ZNF215: variants seen among roughly 807,000 people sequenced by gnomAD.
ZNF215 encodes the protein zinc finger protein 215.
In ZNF215, 24 loss-of-function variants were observed where a neutral mutation model predicts 27.2. The ratio of observed to expected loss-of-function variants is 0.88; its 90% CI spans 0.64 to 1.24. The LOEUF is 1.24. Among genes scored for constraint, ZNF215 ranks in the 50% most tolerant of loss-of-function variants. The pLI is 0.00. For missense variants in ZNF215, 675 were observed against 605.7 expected, an observed-to-expected ratio of 1.11 and a Z score of -1.20; for synonymous variants, 210 against 204.0, an observed-to-expected ratio of 1.03 and a Z score of -0.25.
rs557047162 is a variant in ZNF215 at position 6,940,282 on chromosome 11, G to A, written c.401-1289G>A. Among the ~76,000 whole-genome samples the A allele has an allele frequency of 2.2e-4, 33 of 151,536 alleles. No homozygotes were observed. In the South Asian group the frequency reaches 6.7e-3, roughly 31 times the overall value. ...ACCATAATATTTGCAGCATTCACAC[G>A]GTATGTTGCTGAGAAATTTGGATTT... On this transcript the variant is annotated intron_variant, in intron 3 of 6. Coordinates refer to ENST00000278319, the MANE Select transcript of ZNF215 (RefSeq NM_013250.4).
intron 5 of ZNF215, among the ~76,000 whole-genome samples, chr11:6,973,346 A>G (rs1242195653): frequency 2.0e-5 from 3 of 152,062 alleles, no homozygotes; most frequent in African/African-American, 4.8e-5. Context: ...GAATAGTGCC[A>G]CAATAAACAT....
Position 6,932,348 on chromosome 11 carries a change from A to G in ZNF215, c.76A>G (p.Arg26Gly). 2 of 1,614,202 alleles carry G rather than the reference A, an allele frequency of 1.2e-6. No homozygotes were observed. Among genetic ancestry groups the G allele is most frequent in the Non-Finnish European group, 1.7e-6 (2 of 1,180,034 alleles). Residue 26 changes from arginine (R) to glycine (G), a missense_variant, in exon 3 of 7, where the codon AGA becomes GGA. Coordinates refer to ENST00000278319, the MANE Select transcript of ZNF215 (RefSeq NM_013250.4). ...LSLREQREVL[R>G]ADMSWQQETN... is the part of the protein sequence containing the mutation. Reference sequence around the variant, plus strand: ...TCTACGTGAACAAAGAGAGGTTCTGAGAGCAGATATGTCTTGGCAGCAGGA... The same window carrying G: ...TCTACGTGAACAAAGAGAGGTTCTGGGAGCAGATATGTCTTGGCAGCAGGA...
In ZNF215 at chr11:6,956,476, A is replaced by G. The variant is rs1425186114; in HGVS notation, c.1499A>G (p.Asn500Ser). The change falls in exon 7 of 7, where the codon AAC (asparagine) becomes AGC (serine). Residue 500 changes from asparagine to serine, a missense_variant. By Grantham distance (46) the Asn-to-Ser change is conservative. Coordinates refer to ENST00000278319, the MANE Select transcript of ZNF215 (RefSeq NM_013250.4). ...TGTAAGGAATGTAGTAAAGCCTTCA[A>G]CAGGAGTTCAAACCTTGTTAAACAT... ...FKCKECSKAF[N>S]RSSNLVKHQK... 3.7e-6 allele frequency: 6 copies of G among 1,612,886 alleles called. No homozygotes were observed. Among genetic ancestry groups the G allele is most frequent in the African/African-American group, 2.7e-5 (2 of 74,882 alleles).
chr11:6,930,780 C>T (rs1434449448), intron 2 of ZNF215, among the ~76,000 whole-genome samples: 1 of 152,190 alleles, frequency 6.6e-6, no homozygotes, highest in Admixed American at 6.5e-5. Flanking sequence ...ATCCATTTTA[C>T]AGTTGAGAAT....
intron 3 of ZNF215, among the ~76,000 whole-genome samples, chr11:6,934,923 A>AGG (rs1564945812): frequency 6.6e-6 from 1 of 152,202 alleles, no homozygotes; most frequent in Non-Finnish European, 1.5e-5. Context: ...CTAGCAGAAA[A>AGG]GGCAAATGAG....
rs115393474 is a variant in ZNF215 at position 6,945,002 on chromosome 11, T to C, written c.712+1361T>C. On this transcript the variant is annotated intron_variant, in intron 6 of 6. Coordinates refer to ENST00000278319, the MANE Select transcript of ZNF215 (RefSeq NM_013250.4). The stretch of plus-strand genomic sequence containing the variant: ...TTTCAGGCATGTCTGATAACTTCCA[T>C]AGGATACCCTATTAGAAGAGGAACT... Among the ~76,000 whole-genome samples the C allele has an allele frequency of 9.8e-3, 1,492 of 152,280 alleles. 31 individuals carry two copies. The highest frequency in any genetic ancestry group is 0.034 in the African/African-American group (1,417 of 41,546).
downstream of ZNF215, chr11:6,958,077 A>C (rs1010976556): frequency 1.3e-5 from 13 of 984,442 alleles, no homozygotes; most frequent in Non-Finnish European, 1.6e-5. Context: ...TTGCAACACA[A>C]GTTTTATTAG....
chr11:6,961,561 C>T (rs1417911443), downstream of ZNF215, among the ~76,000 whole-genome samples: 3 of 152,126 alleles, frequency 2.0e-5, no homozygotes, highest in African/African-American at 4.8e-5. Context: ...CCAGGATATG[C>T]ATTTAATTGG....
chr11:6,951,458 T>G (rs928934312), intron 6 of ZNF215, among the ~76,000 whole-genome samples: 19 of 152,218 alleles, frequency 1.2e-4, no homozygotes, highest in Non-Finnish European at 5.9e-5. Context: ...TTGTTTAGTC[T>G]TGGGAGGGTG....
chr11:6,969,735 T>C (rs774898762), intron 5 of ZNF215, among the ~76,000 whole-genome samples: 5 of 152,190 alleles, frequency 3.3e-5, no homozygotes, highest in African/African-American at 1.2e-4. Context: ...TTAAACTACA[T>C]ACTAAGGCTC....
At position 6,957,355 on chromosome 11, in the gene ZNF215, T is replaced by A; in HGVS notation, c.*824T>A. ...TATACATTAGGTTAATTGACATATC[T>A]AAATTATCTCAGTCTGAGTTTGTGA... On this transcript the variant is annotated 3_prime_UTR_variant, in exon 7 of 7. Transcript: ENST00000278319. 1 of 217,034 alleles carries A rather than the reference T, an allele frequency of 4.6e-6. No homozygotes were observed. The highest frequency in any genetic ancestry group is 7.9e-6 in the Non-Finnish European group (1 of 127,338). 13.4% of individuals were successfully genotyped at this position (217,034 alleles called of 1,614,324 possible). A position where few individuals can be genotyped will look rare whatever the true frequency, so the allele number is the denominator to read the frequency against.
At chr11:6,927,962 G>A (rs903791891) in intron 2 of ZNF215, among the ~76,000 whole-genome samples, 155 bp downstream of exon 2, 53 of 152,084 alleles carry the variant, frequency 3.5e-4, no homozygotes, top group Non-Finnish European at 2.1e-4. Context: ...TCAGCTGTGC[G>A]CTTTAGATTT....
chr11:6,929,882 G>A (rs758966450), intron 2 of ZNF215, among the ~76,000 whole-genome samples: 5 of 151,796 alleles, frequency 3.3e-5, no homozygotes, highest in Admixed American at 1.3e-4. Flanking sequence ...CTGAGAATTT[G>A]CATAAATTAT....
At chr11:6,943,366 A>C (rs1014932349) in intron 5 of ZNF215, 151 bp downstream of exon 5, 1 of 1,307,012 alleles carries the variant, frequency 7.7e-7, no homozygotes, top group Admixed American at 2.4e-5. Context: ...TTTCTGACTC[A>C]TCTGGATGAA....
chr11:6,952,333 G>A (rs1158468844), intron 6 of ZNF215, among the ~76,000 whole-genome samples: 3 of 152,140 alleles, frequency 2.0e-5, no homozygotes, highest in Admixed American at 6.5e-5. Context: ...TGACAGTAGG[G>A]TGTTGAAGTC....
Position 6,929,637 on chromosome 11 carries a change from T to C in ZNF215, c.-180+1830T>C, listed in dbSNP as rs183435071. Among the ~76,000 whole-genome samples, 269 of 152,316 alleles carry C rather than the reference T, an allele frequency of 1.8e-3. 4 individuals carry two copies. The highest frequency in any genetic ancestry group is 0.016 in the Admixed American group (242 of 15,298). ...GGGTTATGGGTTTAGAGCAGGAAGA[T>C]CACAGAGGCAAAATGCCATTTTATC... On this transcript the variant is annotated intron_variant, in intron 2 of 6. Coordinates refer to ENST00000278319, the MANE Select transcript of ZNF215 (RefSeq NM_013250.4).
chr11:6,951,411 G>T (rs559817842), intron 6 of ZNF215, among the ~76,000 whole-genome samples: 14 of 152,168 alleles, frequency 9.2e-5, no homozygotes, highest in Admixed American at 2.6e-4. Context: ...TAATTTCAGA[G>T]CCTGTTATTG....
intron 6 of ZNF215, among the ~76,000 whole-genome samples, chr11:6,953,348 T>A (rs915010634): frequency 6.6e-6 from 1 of 152,338 alleles, no homozygotes; most frequent in African/African-American, 2.4e-5. Context: ...TTGGTTCCAT[T>A]TTCCCCGTCA....
intron 3 of ZNF215, among the ~76,000 whole-genome samples, chr11:6,939,922 G>C (rs1230517999): frequency 6.6e-6 from 1 of 152,042 alleles, no homozygotes; most frequent in East Asian, 1.9e-4. Flanking sequence ...AAAGTGTACA[G>C]ACCTGAATAA....
Sources: gnomAD v4.1 joint callset for allele counts (sites outside exome capture counted in the v4.1 genomes callset) on GRCh38, gnomAD v4.1.1 for gene constraint, MANE v1.5 for transcripts, NCBI Gene and HGNC (gene_info 2026-07-23, HGNC 2026-07-21) for gene names.